MTHFD1L: variants seen among roughly 807,000 people sequenced by gnomAD.
MTHFD1L encodes monofunctional C1-tetrahydrofolate synthase, mitochondrial.
A neutral mutation model predicts 119.5 loss-of-function variants in MTHFD1L; 81 were observed. The ratio of observed to expected loss-of-function variants is 0.68; its 90% confidence interval spans 0.57 to 0.82. The LOEUF (loss-of-function observed/expected upper bound fraction) is 0.82. Among genes scored for constraint, MTHFD1L ranks in the 40% least tolerant of loss-of-function variants. The pLI is 0.00. For synonymous variants in MTHFD1L, 430 were observed against 475.2 expected (o/e 0.90, Z 1.24); for missense variants, 1,125 against 1,253.4 (o/e 0.90, Z 1.55).
At chr6:150,890,984 TTTTG>T (rs773585665) in intron 7 of MTHFD1L, among the ~76,000 whole-genome samples, 10 of 152,110 alleles carry the variant, frequency 6.6e-5, no homozygotes, top group South Asian at 4.1e-4. Context: ...TTGTTTTGTT[TTTTG>T]TTTGTTTGTT....
chr6:150,976,598 A>G (rs1345246201), intron 20 of MTHFD1L, among the ~76,000 whole-genome samples: 2 of 152,240 alleles, frequency 1.3e-5, no homozygotes, highest in Non-Finnish European at 2.9e-5. Context: ...ATGACCTCAT[A>G]ATAGGGAAGG....
chr6:150,949,008 C>T, intron 15 of MTHFD1L, 23 bp from the exon 16 acceptor site: 1 of 1,588,172 alleles, frequency 6.3e-7, no homozygotes. Context: ...AAACTTCTCA[C>T]CTTTTTTCTT....
At chr6:150,975,880 G>A (rs577158651) in intron 20 of MTHFD1L, among the ~76,000 whole-genome samples, 2 of 152,240 alleles carry the variant, frequency 1.3e-5, no homozygotes, top group South Asian at 4.2e-4. Context: ...ACAGACCTCT[G>A]ACCTCTGGCT....
chr6:150,986,447 C>G (rs1389853065), intron 20 of MTHFD1L, among the ~76,000 whole-genome samples: 10 of 152,198 alleles, frequency 6.6e-5, no homozygotes, highest in Admixed American at 2.6e-4. Context: ...ACCTTTTTGG[C>G]ACCAGGGACC....
At chr6:151,071,430 A>G (rs1261388451) in intron 26 of MTHFD1L, among the ~76,000 whole-genome samples, 2 of 152,156 alleles carry the variant, frequency 1.3e-5, no homozygotes, top group Non-Finnish European at 2.9e-5. Flanking sequence ...GTACTGCTCT[A>G]CTTCAACATG....
In MTHFD1L at chr6:150,888,624, T is replaced by C. The variant is rs538779552; in HGVS notation, c.780+643T>C. Among the ~76,000 whole-genome samples, 60 of 152,332 alleles carry C rather than the reference T, an allele frequency of 3.9e-4. No individual in the cohort carries two copies. The South Asian group carries it at 8.5e-3, about 22-fold the overall frequency. The stretch of plus-strand genomic sequence containing the variant: ...AGAAGATGCAATATCTTAAAGATAC[T>C]AATTGTCTGCAAATTTTGTAGAATT... On this transcript the variant is annotated intron_variant, in intron 7 of 27. Transcript: ENST00000367321.
chr6:151,017,377 G>A (rs1448376377), intron 24 of MTHFD1L, among the ~76,000 whole-genome samples: 3 of 147,170 alleles, frequency 2.0e-5, no homozygotes, highest in Non-Finnish European at 3.0e-5. Context: ...ATGGAGTTTC[G>A]CTTTTGTTGC....
At chr6:150,977,622 A>G (rs1055289014) in intron 20 of MTHFD1L, among the ~76,000 whole-genome samples, 20 of 152,258 alleles carry the variant, frequency 1.3e-4, no homozygotes, top group African/African-American at 4.6e-4. Flanking sequence ...TAAAAACATT[A>G]TTATCTCATC....
chr6:150,902,033 T>C (rs2128830865), intron 7 of MTHFD1L, among the ~76,000 whole-genome samples: 1 of 152,336 alleles, frequency 6.6e-6, no homozygotes, highest in Non-Finnish European at 1.5e-5. Context: ...TCATATGATA[T>C]GAACTGTTTC....
chr6:150,871,129 TTAA>T (rs926839978), intron 1 of MTHFD1L, among the ~76,000 whole-genome samples: 11 of 143,580 alleles, frequency 7.7e-5, no homozygotes, highest in African/African-American at 1.6e-4. Flanking sequence ...AATATATATC[TTAA>T]TATATATATA....
At chr6:151,005,176 A>G (rs2128472613) in intron 20 of MTHFD1L, among the ~76,000 whole-genome samples, 1 of 152,216 alleles carries the variant, frequency 6.6e-6, no homozygotes, top group East Asian at 1.9e-4. Context: ...ACCTTCCTAT[A>G]AGAGTGGTTT....
intron 10 of MTHFD1L, among the ~76,000 whole-genome samples, chr6:150,924,816 T>C (rs929753409): frequency 7.2e-5 from 11 of 152,146 alleles, no homozygotes; most frequent in African/African-American, 2.7e-4. Flanking sequence ...CTCTTCAATT[T>C]AGGAGATTGT....
chr6:150,890,576 CA>C (rs1382838759), intron 7 of MTHFD1L, among the ~76,000 whole-genome samples: 1 of 152,160 alleles, frequency 6.6e-6, no homozygotes, highest in Non-Finnish European at 1.5e-5. Flanking sequence ...TTACCGGTGG[CA>C]GCTATTCGAG....
At chr6:150,989,237 A>G (rs1778735464) in intron 20 of MTHFD1L, among the ~76,000 whole-genome samples, 3 of 152,238 alleles carry the variant, frequency 2.0e-5, no homozygotes, top group Non-Finnish European at 4.4e-5. Flanking sequence ...ATGAAAGGGT[A>G]TCTAAGTGGA....
chr6:150,971,965 C>T lies in MTHFD1L; in HGVS notation c.2032C>T (p.His678Tyr). Residue 678 changes from histidine to tyrosine, a missense_variant, in exon 20 of 28, where the codon CAT becomes TAT. Coordinates refer to ENST00000367321, the MANE Select transcript of MTHFD1L (RefSeq NM_015440.5). ...QTLEGTPVFVHAGPFANIAHG... is the reference protein window; with the variant it reads ...QTLEGTPVFVYAGPFANIAHG... ...TCTCTAGGGGACACCTGTGTTCGTGCATGCGGGCCCTTTTGCTAACATTGC... is the reference window on the plus strand; with the variant it reads ...TCTCTAGGGGACACCTGTGTTCGTGTATGCGGGCCCTTTTGCTAACATTGC... 1 of 1,614,116 alleles carries T rather than the reference C, an allele frequency of 6.2e-7. No homozygotes were observed. Among genetic ancestry groups the T allele is most frequent in the Non-Finnish European group, 8.5e-7 (1 of 1,180,006 alleles).
intron 7 of MTHFD1L, among the ~76,000 whole-genome samples, chr6:150,892,955 C>G (rs1783571701): frequency 6.6e-6 from 1 of 152,118 alleles, no homozygotes; most frequent in South Asian, 2.1e-4. Context: ...AAAAAGCCAC[C>G]TAGGCATGGG....
rs1786721935 is a variant in MTHFD1L, at chr6:151,039,541, A to G, written c.2847+2424A>G. Among the ~76,000 whole-genome samples, 1 of 152,098 alleles carries G rather than the reference A, an allele frequency of 6.6e-6. No individual in the cohort carries two copies. The highest frequency in any genetic ancestry group is 1.5e-5 in the Non-Finnish European group (1 of 68,026). On this transcript the variant is annotated intron_variant, in intron 26 of 27. Transcript: ENST00000367321. This position sits in a 1 kb window ranked among gnomAD's most constrained non-coding sequence, Gnocchi z 4.4. ...GTAGCTGTGACTACAGGCTCATGCC[A>G]CTGTGCCAGGCCTGTGTATAATTTA...
chr6:151,059,840 A>C (rs1790420170), intron 26 of MTHFD1L, among the ~76,000 whole-genome samples: 1 of 152,176 alleles, frequency 6.6e-6, no homozygotes. Context: ...TACACCATGC[A>C]CTAGGGAGTC....
intron 1 of MTHFD1L, among the ~76,000 whole-genome samples, chr6:150,870,843 G>C (rs1779294589): frequency 6.6e-6 from 1 of 151,354 alleles, no homozygotes; most frequent in African/African-American, 2.4e-5. Context: ...CCCGGGAGGT[G>C]GAGGTTGTGG....
Sources: allele counts gnomAD v4.1 joint callset (sites outside exome capture counted in the v4.1 genomes callset), GRCh38; gene constraint gnomAD v4.1.1; non-coding constraint Gnocchi (gnomAD v3.1); transcripts MANE v1.5; gene names NCBI Gene and HGNC (gene_info 2026-07-23, HGNC 2026-07-21).